ASAP1: variants seen among roughly 807,000 people sequenced by gnomAD.
ASAP1 encodes the protein arf-GAP with SH3 domain, ANK repeat and PH domain-containing protein 1.
In ASAP1, 43 loss-of-function variants were observed where a neutral mutation model predicts 145.2. The observed-to-expected ratio is 0.30, with a 90% CI of 0.23 to 0.38. ASAP1 has a LOEUF of 0.38. ASAP1 is among the 10% of genes least tolerant of loss of function. ASAP1 has a pLI of 1.00. For synonymous variants in ASAP1, 546 were observed against 515.5 expected, an observed-to-expected ratio of 1.06 and a Z score of -0.80; for missense variants, 1,018 against 1,355.3, an observed-to-expected ratio of 0.75 and a Z score of 3.91.
intron 3 of ASAP1, among the ~76,000 whole-genome samples, chr8:130,314,932 G>A (rs1823578853): frequency 6.6e-6 from 1 of 152,140 alleles, no homozygotes; most frequent in Non-Finnish European, 1.5e-5. Flanking sequence ...GAAAAAGTGG[G>A]TTCCAACCCC....
intron 24 of ASAP1, among the ~76,000 whole-genome samples, chr8:130,103,653 C>T (rs2097532476): frequency 1.3e-5 from 2 of 152,122 alleles, no homozygotes; most frequent in African/African-American, 4.8e-5. Flanking sequence ...TAGGCGTGTG[C>T]CACCACGCCC....
intron 13 of ASAP1, among the ~76,000 whole-genome samples, chr8:130,148,311 A>G (rs984301665): frequency 2.0e-5 from 3 of 152,276 alleles, no homozygotes; most frequent in African/African-American, 4.8e-5. Flanking sequence ...GACCCTGAGC[A>G]TGGGATTTAA....
intron 1 of ASAP1, among the ~76,000 whole-genome samples, chr8:130,440,576 G>A (rs1830457435): frequency 6.6e-6 from 1 of 151,466 alleles, no homozygotes; most frequent in Non-Finnish European, 1.5e-5. Context: ...CCTTTGTACT[G>A]GGTGGAGGGA....
At chr8:130,397,120 C>A (rs1828566558) in intron 2 of ASAP1, among the ~76,000 whole-genome samples, 1 of 152,030 alleles carries the variant, frequency 6.6e-6, no homozygotes, top group Non-Finnish European at 1.5e-5. Flanking sequence ...TTCATTCATT[C>A]ATTCACATAT....
intron 13 of ASAP1, among the ~76,000 whole-genome samples, chr8:130,139,849 C>T (rs1206808757): frequency 3.3e-5 from 5 of 150,420 alleles, no homozygotes; most frequent in Non-Finnish European, 5.9e-5. Flanking sequence ...TTTTAATTCT[C>T]CCAAAATCTA....
At chr8:130,262,447 A>G (rs1586708683) in intron 3 of ASAP1, among the ~76,000 whole-genome samples, 1 of 102,298 alleles carries the variant, frequency 9.8e-6, no homozygotes, top group African/African-American at 3.2e-5. Context: ...AGAGAGAGAG[A>G]GAGAGAGAGA....
chr8:130,270,189 C>G (rs1021096626), intron 3 of ASAP1, among the ~76,000 whole-genome samples: 1 of 152,066 alleles, frequency 6.6e-6, no homozygotes, highest in African/African-American at 2.4e-5. Flanking sequence ...AAAAATCAAA[C>G]CAAATCAAAT....
intron 2 of ASAP1, among the ~76,000 whole-genome samples, chr8:130,371,494 G>A (rs180999706): frequency 1.3e-4 from 20 of 152,330 alleles, no homozygotes; most frequent in African/African-American, 4.8e-4. Context: ...TCATCTTCCA[G>A]CCTCCCTTAC....
chr8:130,188,520 G>C (rs777208216), intron 5 of ASAP1, among the ~76,000 whole-genome samples: 1 of 151,896 alleles, frequency 6.6e-6, no homozygotes, highest in Non-Finnish European at 1.5e-5. Flanking sequence ...GATCACTGGA[G>C]GTCAGGAGTT....
intron 3 of ASAP1, among the ~76,000 whole-genome samples, chr8:130,245,810 A>G (rs960956005): frequency 6.6e-6 from 1 of 152,182 alleles, no homozygotes; most frequent in Non-Finnish European, 1.5e-5. Flanking sequence ...TTTCTCATGT[A>G]CTATTTGTTT....
intron 3 of ASAP1, among the ~76,000 whole-genome samples, chr8:130,253,680 T>G (rs2136889815): frequency 6.6e-6 from 1 of 152,308 alleles, no homozygotes; most frequent in South Asian, 2.1e-4. Context: ...TAGGTATGTA[T>G]GTACATGTAT....
At chr8:130,366,829 T>C (rs1396801543) in intron 2 of ASAP1, among the ~76,000 whole-genome samples, 1 of 150,680 alleles carries the variant, frequency 6.6e-6, no homozygotes, top group African/African-American at 2.4e-5. Context: ...AAGTGATCAA[T>C]AAACATTAGC....
intron 1 of ASAP1, among the ~76,000 whole-genome samples, chr8:130,441,994 G>A (rs1830503447): frequency 6.6e-6 from 1 of 152,188 alleles, no homozygotes; most frequent in Admixed American, 6.5e-5. Flanking sequence ...GATAGGGAAA[G>A]TAATTCCCCG....
In ASAP1 at chr8:130,052,754, A is replaced by G. The variant is rs1429527596; in HGVS notation, c.*1977T>C. 2.1e-5 allele frequency: 3 copies of G among 139,708 alleles called. No individual in the cohort carries two copies. The highest frequency in any genetic ancestry group is 7.6e-5 in the African/African-American group (3 of 39,458). 8.7% of individuals were successfully genotyped at this position (139,708 alleles called of 1,614,324 possible). A position where few individuals can be genotyped will look rare whatever the true frequency, so the allele number is the denominator to read the frequency against. On this transcript the variant is annotated 3_prime_UTR_variant, in exon 30 of 30. Transcript: ENST00000518721. ...GTTTTTGTTTTTTTTTTTTTTTTGA[A>G]AAAAACCAGTTTATTTTGAGATCAG...
At chr8:130,314,232 C>G (rs1248458852) in intron 3 of ASAP1, among the ~76,000 whole-genome samples, 1 of 152,118 alleles carries the variant, frequency 6.6e-6, no homozygotes, top group African/African-American at 2.4e-5. Flanking sequence ...ACTGTGACAT[C>G]CCTGACTTTA....
At chr8:130,336,557 T>C (rs1216389093) in intron 3 of ASAP1, among the ~76,000 whole-genome samples, 3 of 152,230 alleles carry the variant, frequency 2.0e-5, no homozygotes, top group Non-Finnish European at 4.4e-5. Context: ...GTTTTGGTAT[T>C]AGGCACTTTA....
At chr8:130,381,234 G>T (rs553624326) in intron 2 of ASAP1, among the ~76,000 whole-genome samples, 26 of 152,216 alleles carry the variant, frequency 1.7e-4, no homozygotes, top group Admixed American at 1.6e-3. Context: ...TCACTGTGTT[G>T]CGCAGGTTGG....
intron 1 of ASAP1, among the ~76,000 whole-genome samples, chr8:130,413,230 C>T (rs112450761): frequency 3.9e-5 from 6 of 152,206 alleles, no homozygotes; most frequent in Non-Finnish European, 2.9e-5. Context: ...GAGGTCTCTG[C>T]TGCATGTATT....
chr8:130,395,704 T>C (rs542009020), intron 2 of ASAP1, among the ~76,000 whole-genome samples: 47 of 151,400 alleles, frequency 3.1e-4, no homozygotes, highest in African/African-American at 1.1e-3. Context: ...TCTCACTCTG[T>C]CACACAGGCT....
Sources: allele counts gnomAD v4.1 joint callset (sites outside exome capture counted in the v4.1 genomes callset), GRCh38; gene constraint gnomAD v4.1.1; transcripts MANE v1.5; gene names NCBI Gene and HGNC (gene_info 2026-07-23, HGNC 2026-07-21).